C1QTNF3: variants seen among roughly 807,000 people sequenced by gnomAD.
C1QTNF3 encodes C1q and TNF related 3.
C1QTNF3 carries 26 observed loss-of-function variants against 32.6 expected under a neutral mutation model. The observed-to-expected ratio is 0.80, with a 90% CI of 0.58 to 1.11. The LOEUF (loss-of-function observed/expected upper bound fraction) is 1.11. Ranked by LOEUF, C1QTNF3 falls within the 50% of genes least tolerant of loss-of-function variation. The pLI, the probability that C1QTNF3 is intolerant of heterozygous loss-of-function variation, is 0.00. For synonymous variants in C1QTNF3, 155 were observed against 146.0 expected (o/e 1.06, Z -0.44); for missense variants, 362 against 398.2 (o/e 0.91, Z 0.77).
chr5:34,219,911 G>A, the C1QTNF3 span: 5 of 152,096 alleles, frequency 3.3e-5, no homozygotes, highest in Admixed American at 2.0e-4. Context: ...ACAAGAATGT[G>A]CTCACTGACA....
chr5:34,159,326 A>G, the C1QTNF3 span, among the ~76,000 whole-genome samples: 1 of 152,090 alleles, frequency 6.6e-6, no homozygotes, highest in African/African-American at 2.4e-5. Context: ...GTTTTTTCCA[A>G]GAAACTAATT....
intron 1 of C1QTNF3, among the ~76,000 whole-genome samples, chr5:34,039,268 C>G (rs910931114): frequency 1.3e-5 from 2 of 152,150 alleles, no homozygotes; most frequent in Non-Finnish European, 2.9e-5. Flanking sequence ...AGTATGCCAA[C>G]GTAAAAAAAC....
the C1QTNF3 span, among the ~76,000 whole-genome samples, chr5:34,218,761 T>G: frequency 1.3e-5 from 2 of 152,146 alleles, no homozygotes; most frequent in East Asian, 3.9e-4. Context: ...TCACTGCCCA[T>G]GCTGTGTGAC....
At chr5:34,056,248 G>A in the C1QTNF3 span, among the ~76,000 whole-genome samples, 1 of 151,642 alleles carries the variant, frequency 6.6e-6, no homozygotes, top group Admixed American at 6.6e-5. Flanking sequence ...GGGGAGTGAG[G>A]GAACAGAGTC....
the C1QTNF3 span, among the ~76,000 whole-genome samples, chr5:34,092,721 A>G: frequency 6.6e-6 from 1 of 152,008 alleles, no homozygotes; most frequent in African/African-American, 2.4e-5. Flanking sequence ...TAGATTTATC[A>G]GTTTACTCTT....
At chr5:34,213,809 A>ATATATATATATT in the C1QTNF3 span, among the ~76,000 whole-genome samples, 10 of 4,936 alleles carry the variant, frequency 2.0e-3, no homozygotes, top group Non-Finnish European at 3.1e-3. Flanking sequence ...ATATATATAT[A>ATATATATATATT]TTTTTTTTTT....
chr5:34,215,200 C>T, the C1QTNF3 span, among the ~76,000 whole-genome samples: 1 of 152,156 alleles, frequency 6.6e-6, no homozygotes, highest in Non-Finnish European at 1.5e-5. Flanking sequence ...CATTACTTCA[C>T]TTAAATTTTA....
At chr5:34,159,416 C>T in the C1QTNF3 span, among the ~76,000 whole-genome samples, 4 of 151,790 alleles carry the variant, frequency 2.6e-5, no homozygotes, top group East Asian at 1.9e-4. Flanking sequence ...ATTAAAATAA[C>T]GTGACAAAAT....
At chr5:34,050,889 G>T in the C1QTNF3 span, among the ~76,000 whole-genome samples, 1 of 152,178 alleles carries the variant, frequency 6.6e-6, no homozygotes. Flanking sequence ...GCATAGACCT[G>T]CCCAGCATGG....
At chr5:34,075,054 T>G in the C1QTNF3 span, among the ~76,000 whole-genome samples, 2 of 151,772 alleles carry the variant, frequency 1.3e-5, no homozygotes, top group Non-Finnish European at 2.9e-5. Context: ...ATATGTAATT[T>G]TAAACAGAAA....
the C1QTNF3 span, among the ~76,000 whole-genome samples, chr5:34,211,477 G>C: frequency 1.3e-5 from 2 of 151,242 alleles, no homozygotes; most frequent in African/African-American, 4.9e-5. Context: ...TGCCATGCTG[G>C]TGTGCTGCAC....
chr5:34,213,081 C>G, the C1QTNF3 span, among the ~76,000 whole-genome samples: 1 of 152,076 alleles, frequency 6.6e-6, no homozygotes, highest in Non-Finnish European at 1.5e-5. Context: ...CACGATGACT[C>G]ATTTTCAATA....
At chr5:34,153,853 T>TAATTAAAAAAAAAAA in the C1QTNF3 span, among the ~76,000 whole-genome samples, 1 of 32,938 alleles carries the variant, frequency 3.0e-5, no homozygotes, top group Non-Finnish European at 6.9e-5. Context: ...ACTTAGAGTA[T>TAATTAAAAAAAAAAA]AAAAAAAAAA....
chr5:34,129,583 A>G, the C1QTNF3 span, among the ~76,000 whole-genome samples: 1 of 152,270 alleles, frequency 6.6e-6, no homozygotes, highest in African/African-American at 2.4e-5. Context: ...CTATAAATGT[A>G]AGTGATTATA....
chr5:34,121,781 A>T, the C1QTNF3 span, among the ~76,000 whole-genome samples: 1 of 152,192 alleles, frequency 6.6e-6, no homozygotes, highest in Non-Finnish European at 1.5e-5. Flanking sequence ...ATGATGGTAT[A>T]AGGAGGTGGG....
chr5:34,083,496 G>C, the C1QTNF3 span, among the ~76,000 whole-genome samples: 4 of 120,534 alleles, frequency 3.3e-5, no homozygotes, highest in Non-Finnish European at 6.8e-5. Context: ...TGATTTATCA[G>C]GTAATGAATT....
At chr5:34,161,465 G>A in the C1QTNF3 span, among the ~76,000 whole-genome samples, 2 of 152,022 alleles carry the variant, frequency 1.3e-5, no homozygotes, top group Non-Finnish European at 2.9e-5. Flanking sequence ...TATATAAAAT[G>A]TTACATTTTT....
At chr5:34,054,488 G>A in the C1QTNF3 span, among the ~76,000 whole-genome samples, 15 of 152,268 alleles carry the variant, frequency 9.9e-5, no homozygotes, top group South Asian at 2.1e-4. Context: ...CTTGCAAGCT[G>A]CCATGAACAG....
the C1QTNF3 span, among the ~76,000 whole-genome samples, chr5:34,163,118 C>G: frequency 2.6e-5 from 4 of 152,190 alleles, no homozygotes; most frequent in East Asian, 5.8e-4. Context: ...TGTGTCTTAC[C>G]TTTAAAGACA....
Sources: allele counts gnomAD v4.1 joint callset (sites outside exome capture counted in the v4.1 genomes callset), GRCh38; gene constraint gnomAD v4.1.1; transcripts MANE v1.5; gene names NCBI Gene and HGNC (gene_info 2026-07-23, HGNC 2026-07-21).